Variants in FAT3 observed in about 807,000 individuals in gnomAD.
The protein encoded by FAT3 is FAT atypical cadherin 3.
Under a neutral mutation model 310.2 loss-of-function variants are expected in FAT3, and 95 were observed. The ratio of observed to expected loss-of-function variants is 0.31; its 90% CI spans 0.26 to 0.36. The LOEUF is 0.36. Among genes scored for constraint, FAT3 ranks in the 10% least tolerant of loss-of-function variants. The pLI, the probability that FAT3 is intolerant of heterozygous loss-of-function variation, is 1.00. For synonymous variants in FAT3, 2,314 were observed against 2,192.9 expected, an observed-to-expected ratio of 1.06 and a Z score of -1.54; for missense variants, 5,408 against 5,715.6, an observed-to-expected ratio of 0.95 and a Z score of 1.74.
chr11:92,596,188 G>A (rs925250741), intron 3 of FAT3, among the ~76,000 whole-genome samples: 1 of 152,102 alleles, frequency 6.6e-6, no homozygotes. Context: ...TGTTGGGTAG[G>A]CACCCCATTT....
At chr11:92,764,433 A>T (rs1946250934) in intron 5 of FAT3, among the ~76,000 whole-genome samples, 1 of 152,112 alleles carries the variant, frequency 6.6e-6, no homozygotes, top group Non-Finnish European at 1.5e-5. Flanking sequence ...ACACATACAC[A>T]TGCACACACA....
intron 3 of FAT3, among the ~76,000 whole-genome samples, chr11:92,662,768 T>C (rs2135798947): frequency 6.6e-6 from 1 of 152,264 alleles, no homozygotes; most frequent in South Asian, 2.1e-4. Context: ...ACTAAGTCAT[T>C]TGTCATGTTT....
At chr11:92,477,225 C>A (rs1952073299) in intron 2 of FAT3, among the ~76,000 whole-genome samples, 1 of 152,164 alleles carries the variant, frequency 6.6e-6, no homozygotes, top group Non-Finnish European at 1.5e-5. Flanking sequence ...TGTGAGACTG[C>A]TTGTTTTATA....
chr11:92,802,922 C>T (rs1013117851), intron 10 of FAT3, among the ~76,000 whole-genome samples: 7 of 152,122 alleles, frequency 4.6e-5, no homozygotes, highest in African/African-American at 7.2e-5. Flanking sequence ...TGTGTCAATG[C>T]TTGGGGTTGC....
At chr11:92,648,165 GGAA>G (rs996273710) in intron 3 of FAT3, among the ~76,000 whole-genome samples, 11 of 152,158 alleles carry the variant, frequency 7.2e-5, no homozygotes, top group African/African-American at 2.7e-4. Flanking sequence ...GGTAGGGTAG[GGAA>G]GATGGCAGAG....
At chr11:92,477,883 C>G (rs1195222351) in intron 2 of FAT3, among the ~76,000 whole-genome samples, 3 of 152,186 alleles carry the variant, frequency 2.0e-5, no homozygotes, top group Non-Finnish European at 4.4e-5. Flanking sequence ...TGCAGGAGTT[C>G]TGTCAACATG....
chr11:92,459,163 G>A (rs902568909), intron 2 of FAT3, among the ~76,000 whole-genome samples: 3 of 152,188 alleles, frequency 2.0e-5, no homozygotes, highest in African/African-American at 7.2e-5. Context: ...ATGAAGGGTG[G>A]ATGCCTGAAT....
At chr11:92,415,849 C>CTTTTTTTTTTT (rs1196695394) in intron 2 of FAT3, among the ~76,000 whole-genome samples, 21 of 70,402 alleles carry the variant, frequency 3.0e-4, no homozygotes, top group Non-Finnish European at 3.6e-4. Flanking sequence ...AGCATTTTTG[C>CTTTTTTTTTTT]TTTTTTTTTT....
At chr11:92,328,402 T>C (rs1157940143) in intron 1 of FAT3, among the ~76,000 whole-genome samples, 1 of 152,226 alleles carries the variant, frequency 6.6e-6, no homozygotes, top group African/African-American at 2.4e-5. Flanking sequence ...ACTGAAATGC[T>C]TTTGTTCTAT....
At chr11:92,531,451 G>A (rs1425505629) in intron 3 of FAT3, among the ~76,000 whole-genome samples, 1 of 152,130 alleles carries the variant, frequency 6.6e-6, no homozygotes, top group African/African-American at 2.4e-5. Context: ...GGGTCAGGGT[G>A]GGCCATCAGG....
At chr11:92,779,732 G>T (rs1325246360) in intron 7 of FAT3, among the ~76,000 whole-genome samples, 2 of 152,034 alleles carry the variant, frequency 1.3e-5, no homozygotes, top group Admixed American at 1.3e-4. Flanking sequence ...ATGTGATTAG[G>T]GTATAAATCT....
intron 22 of FAT3, among the ~76,000 whole-genome samples, chr11:92,880,247 T>C (rs774514567): frequency 2.7e-5 from 4 of 149,984 alleles, no homozygotes; most frequent in Non-Finnish European, 5.9e-5. Context: ...AGTTGACAAA[T>C]ATCCTTTTAC....
At chr11:92,412,254 C>A (rs188474894) in intron 2 of FAT3, among the ~76,000 whole-genome samples, 1 of 151,942 alleles carries the variant, frequency 6.6e-6, no homozygotes, top group Admixed American at 6.6e-5. Context: ...AGGTGCGTGC[C>A]ACCACACCCA....
chr11:92,467,804 C>T (rs1324955619), intron 2 of FAT3, among the ~76,000 whole-genome samples: 1 of 152,140 alleles, frequency 6.6e-6, no homozygotes, highest in Non-Finnish European at 1.5e-5. Context: ...GCCATTGTTT[C>T]TCCAATCCTA....
chr11:92,597,575 T>C (rs982672830), intron 3 of FAT3, among the ~76,000 whole-genome samples: 9 of 152,130 alleles, frequency 5.9e-5, no homozygotes, highest in Non-Finnish European at 1.0e-4. Context: ...AGTAAGAGGT[T>C]TGCCATATTC....
At chr11:92,709,730 G>A (rs1249890030) in intron 4 of FAT3, among the ~76,000 whole-genome samples, 1 of 152,198 alleles carries the variant, frequency 6.6e-6, no homozygotes, top group Non-Finnish European at 1.5e-5. Context: ...ACACAGAGGA[G>A]GCACCTAGGT....
chr11:92,553,155 C>T (rs1326993086), intron 3 of FAT3, among the ~76,000 whole-genome samples: 1 of 152,100 alleles, frequency 6.6e-6, no homozygotes, highest in Non-Finnish European at 1.5e-5. Flanking sequence ...CACCTTATGG[C>T]CTTTTACAAT....
At chr11:92,561,265 G>GTGTC (rs910341094) in intron 3 of FAT3, among the ~76,000 whole-genome samples, 2 of 35,654 alleles carry the variant, frequency 5.6e-5, no homozygotes, top group African/African-American at 1.4e-4. Flanking sequence ...GTGTGTGTGT[G>GTGTC]TGTGTGTGTG....
intron 3 of FAT3, among the ~76,000 whole-genome samples, chr11:92,644,608 G>A (rs950860005): frequency 5.9e-5 from 9 of 152,154 alleles, no homozygotes; most frequent in Middle Eastern, 3.4e-3. Context: ...ATGAGTTCAC[G>A]GACACATGTG....
Sources: gnomAD v4.1 joint callset for allele counts (sites outside exome capture counted in the v4.1 genomes callset) on GRCh38, gnomAD v4.1.1 for gene constraint, MANE v1.5 for transcripts, NCBI Gene and HGNC (gene_info 2026-07-23, HGNC 2026-07-21) for gene names.